Variants in UBE3C observed in about 807,000 individuals in gnomAD.
UBE3C encodes the protein ubiquitin-protein ligase E3C.
Under a neutral mutation model 129.4 loss-of-function variants are expected in UBE3C, and 42 were observed. The ratio of observed to expected loss-of-function variants is 0.32; its 90% CI spans 0.25 to 0.42. The LOEUF (loss-of-function observed/expected upper bound fraction) is 0.42, where lower values mean the gene tolerates loss of function less well. UBE3C is among the 10% of genes least tolerant of loss of function. UBE3C has a pLI of 1.00. For synonymous variants in UBE3C, 510 were observed against 492.4 expected, an observed-to-expected ratio of 1.04 and a Z score of -0.47; for missense variants, 1,049 against 1,319.1, an observed-to-expected ratio of 0.80 and a Z score of 3.17.
intron 10 of UBE3C, among the ~76,000 whole-genome samples, chr7:157,197,208 A>G (rs902321667): frequency 6.6e-6 from 1 of 152,264 alleles, no homozygotes; most frequent in African/African-American, 2.4e-5. Flanking sequence ...ATTTGATCAA[A>G]AGATTTCTTA....
At chr7:157,191,767 ATTTG>A (rs1276880606) in intron 10 of UBE3C, among the ~76,000 whole-genome samples, 1 of 152,114 alleles carries the variant, frequency 6.6e-6, no homozygotes. Flanking sequence ...AAAAATACAG[ATTTG>A]TTTTTCATTG....
chr7:157,162,075 GA>G (rs1316818297), intron 1 of UBE3C, among the ~76,000 whole-genome samples: 2 of 151,434 alleles, frequency 1.3e-5, no homozygotes, highest in African/African-American at 4.8e-5. Flanking sequence ...TCTCAATTTA[GA>G]AAAAAAGGAT....
chr7:157,230,148 G>A (rs1009995687), intron 17 of UBE3C, among the ~76,000 whole-genome samples: 29 of 150,204 alleles, frequency 1.9e-4, no homozygotes, highest in African/African-American at 6.6e-4. Flanking sequence ...ACCTCAAGGC[G>A]ATCCGCCCAC....
chr7:157,199,996 T>G (rs2366215), intron 10 of UBE3C, among the ~76,000 whole-genome samples: 26,052 of 152,168 alleles, frequency 0.17, 2,473 homozygotes, highest in East Asian at 0.36. Flanking sequence ...GAATGCAGTG[T>G]GCCCCCACTT....
intron 10 of UBE3C, among the ~76,000 whole-genome samples, chr7:157,197,204 T>A (rs1343292731): frequency 2.6e-5 from 4 of 152,256 alleles, no homozygotes; most frequent in Non-Finnish European, 5.9e-5. Flanking sequence ...ACTTATTTGA[T>A]CAAAAGATTT....
intron 1 of UBE3C, among the ~76,000 whole-genome samples, chr7:157,155,104 T>C (rs762140527): frequency 2.0e-4 from 30 of 152,340 alleles, no homozygotes; most frequent in Non-Finnish European, 2.5e-4. Flanking sequence ...TAAGTATGTT[T>C]TGCATTTGTG....
At chr7:157,197,541 T>G in intron 10 of UBE3C, 1 of 1,064,646 alleles carries the variant, frequency 9.4e-7, no homozygotes, top group East Asian at 2.5e-5. Flanking sequence ...GGAGGTATTG[T>G]CCTTATTAAT....
At chr7:157,146,195 G>A (rs1279613205) in intron 1 of UBE3C, among the ~76,000 whole-genome samples, 2 of 151,954 alleles carry the variant, frequency 1.3e-5, no homozygotes, top group Non-Finnish European at 2.9e-5. Context: ...TTGAATGCCT[G>A]CCTTTGCTCC....
chr7:157,176,466 G>GA (rs1808520034), intron 5 of UBE3C, among the ~76,000 whole-genome samples: 1 of 152,082 alleles, frequency 6.6e-6, no homozygotes. Flanking sequence ...GTAGAGATGG[G>GA]GTTTTGCCAT....
intron 14 of UBE3C, among the ~76,000 whole-genome samples, chr7:157,217,606 G>A (rs867114539): frequency 6.6e-5 from 10 of 152,190 alleles, no homozygotes; most frequent in South Asian, 2.1e-4. Flanking sequence ...GGAAGCCGAC[G>A]GGCAGATCAC....
intron 1 of UBE3C, among the ~76,000 whole-genome samples, chr7:157,161,573 C>G (rs1808072187): frequency 6.6e-6 from 1 of 151,914 alleles, no homozygotes; most frequent in Non-Finnish European, 1.5e-5. Flanking sequence ...TGCCTCAACC[C>G]CCAAGTAGCT....
intron 1 of UBE3C, among the ~76,000 whole-genome samples, chr7:157,141,985 CCA>C (rs1238074395): frequency 6.6e-6 from 1 of 152,238 alleles, no homozygotes; most frequent in African/African-American, 2.4e-5. Context: ...CACACCGCTG[CCA>C]CAGTTTCCCC....
chr7:157,227,566 G>C (rs533629032), intron 17 of UBE3C, among the ~76,000 whole-genome samples: 8 of 152,088 alleles, frequency 5.3e-5, no homozygotes, highest in Middle Eastern at 6.8e-3. Flanking sequence ...TGGGCGTGGT[G>C]GTAGGCACCT....
intron 1 of UBE3C, among the ~76,000 whole-genome samples, chr7:157,150,978 G>C (rs1353556459): frequency 6.6e-6 from 1 of 152,224 alleles, no homozygotes; most frequent in Non-Finnish European, 1.5e-5. Flanking sequence ...GGCCGCTTGC[G>C]GGGCTTCTTA....
At chr7:157,254,906 C>A (rs1302451612) in intron 21 of UBE3C, among the ~76,000 whole-genome samples, 1 of 110,882 alleles carries the variant, frequency 9.0e-6, no homozygotes, top group Non-Finnish European at 2.1e-5. Context: ...GTGGCATACA[C>A]CTGCAGTCCC....
intron 4 of UBE3C, among the ~76,000 whole-genome samples, chr7:157,172,673 C>G (rs1375912469): frequency 6.6e-6 from 1 of 152,190 alleles, no homozygotes; most frequent in Non-Finnish European, 1.5e-5. Flanking sequence ...CAGTTAAGTG[C>G]AGGCTCTTTC....
Position 157,201,786 on chromosome 7 carries a change from T to C in UBE3C, c.1397T>C (p.Met466Thr), listed in dbSNP as rs531800331. ...LRHLWFLISS[M>T]STRMITGSMV... ...CATCTTTGGTTTCTAATATCTTCCA[T>C]GTCAACACGGATGATCACAGGGTAT... is the stretch of plus-strand genomic sequence containing the variant. Residue 466 changes from methionine (M) to threonine (T), a missense_variant, in exon 11 of 23, where the codon ATG (methionine) becomes ACG (threonine). Coordinates refer to ENST00000348165, the MANE Select transcript of UBE3C (RefSeq NM_014671.3). The C allele has an allele frequency of 1.9e-6, 3 of 1,612,510 alleles. No individual in the cohort carries two copies. The East Asian group carries it at 6.7e-5, about 36-fold the overall frequency.
At position 157,138,990 on chromosome 7, in the gene UBE3C, G is replaced by C. The variant is rs542338423; in HGVS notation, c.-283G>C. Reference sequence around the variant, plus strand: ...CGGCAGTTCCAGGTGCAAGCGCCGGGTTTGCTGCCCGCTGGGCGCCCCTGC... The same window carrying C: ...CGGCAGTTCCAGGTGCAAGCGCCGGCTTTGCTGCCCGCTGGGCGCCCCTGC... On this transcript the variant is annotated 5_prime_UTR_variant, in exon 1 of 23. Transcript: ENST00000348165. The C allele has an allele frequency of 6.5e-6, 1 of 153,190 alleles. No homozygotes were observed. The highest frequency in any genetic ancestry group is 2.1e-4 in the South Asian group (1 of 4,848). The allele number at this position is 153,190 out of a possible 1,614,324, so 9.5% of individuals were successfully genotyped here. A position where few individuals can be genotyped will look rare whatever the true frequency, so the allele number is the denominator to read the frequency against.
At chr7:157,213,536 C>T (rs1278995922) in intron 13 of UBE3C, among the ~76,000 whole-genome samples, 1 of 152,230 alleles carries the variant, frequency 6.6e-6, no homozygotes. Flanking sequence ...ATGGTTGCCT[C>T]TACAAACTTT....
Sources: gnomAD v4.1 joint callset for allele counts (sites outside exome capture counted in the v4.1 genomes callset) on GRCh38, gnomAD v4.1.1 for gene constraint, MANE v1.5 for transcripts, NCBI Gene and HGNC (gene_info 2026-07-23, HGNC 2026-07-21) for gene names.